Variants in RXFP1 observed in about 807,000 individuals in gnomAD.
The protein encoded by RXFP1 is relaxin family peptide receptor 1, also known as relaxin receptor 1.
A neutral mutation model predicts 89.8 loss-of-function variants in RXFP1; 73 were observed. The ratio of observed to expected loss-of-function variants is 0.81; its 90% confidence interval spans 0.67 to 0.99. The LOEUF is 0.99. RXFP1 is among the 50% of genes least tolerant of loss of function. The pLI, the probability that RXFP1 is intolerant of heterozygous loss-of-function variation, is 0.00. For missense variants in RXFP1, 793 were observed against 895.5 expected (o/e 0.89, Z 1.46); for synonymous variants, 277 against 305.5 (o/e 0.91, Z 0.97).
chr4:158,594,528 G>A (rs1314858044), intron 3 of RXFP1, among the ~76,000 whole-genome samples: 1 of 151,546 alleles, frequency 6.6e-6, no homozygotes, highest in African/African-American at 2.4e-5. Flanking sequence ...ATCTTCTAGT[G>A]CCTAAAATAA....
At chr4:158,624,276 G>A (rs1766261024) in intron 9 of RXFP1, among the ~76,000 whole-genome samples, 1 of 152,168 alleles carries the variant, frequency 6.6e-6, no homozygotes, top group African/African-American at 2.4e-5. Flanking sequence ...CAGGCAGCAA[G>A]TCAAGGGCTT....
intron 1 of RXFP1, among the ~76,000 whole-genome samples, chr4:158,522,243 G>A (rs912515508): frequency 6.6e-6 from 1 of 152,146 alleles, no homozygotes; most frequent in African/African-American, 2.4e-5. Flanking sequence ...AGACTGATGT[G>A]CCGTGTAAAC....
At chr4:158,604,989 G>A in intron 4 of RXFP1, 79 bp from the exon 5 acceptor site, 1 of 748,170 alleles carries the variant, frequency 1.3e-6, no homozygotes, top group Middle Eastern at 3.8e-4. Flanking sequence ...AAAGTAAATA[G>A]TTTGTAATTA....
chr4:158,652,027 A>G lies in RXFP1; in HGVS notation c.2246A>G (p.Gln749Arg). ...CCCTGTGAAATGTCACTGATTTCTC[A>G]ATCAACGAGACTCAATTCCTATTCA... ...TYPCEMSLIS[Q>R]STRLNSYS is the part of the protein sequence containing the mutation. Residue 749 changes from glutamine to arginine, a missense_variant, in exon 18 of 18, where the codon CAA becomes CGA. Physicochemically the swap from Gln to Arg is conservative, Grantham distance 43 (BLOSUM62 1). Transcript: ENST00000307765. 6.2e-7 allele frequency: 1 copy of G among 1,613,032 alleles called. No individual in the cohort carries two copies. The highest frequency in any genetic ancestry group is 2.2e-5 in the East Asian group (1 of 44,852).
chr4:158,611,583 C>A (rs1161550677), intron 6 of RXFP1, among the ~76,000 whole-genome samples: 1 of 152,170 alleles, frequency 6.6e-6, no homozygotes, highest in Non-Finnish European at 1.5e-5. Flanking sequence ...TTTCCTCTGC[C>A]TAGAATAGCT....
chr4:158,639,859 CAAAAAGAAAA>C (rs1313482325), intron 14 of RXFP1, among the ~76,000 whole-genome samples: 4 of 148,430 alleles, frequency 2.7e-5, no homozygotes, highest in Non-Finnish European at 4.5e-5. Flanking sequence ...GACTCCATCT[CAAAAAGAAAA>C]AAAAAGAAAA....
chr4:158,559,494 A>AC (rs899375434), intron 1 of RXFP1, among the ~76,000 whole-genome samples: 10 of 151,644 alleles, frequency 6.6e-5, no homozygotes, highest in Middle Eastern at 3.4e-3. Flanking sequence ...TAAAGGCTAG[A>AC]CCCCCCTGCC....
intron 5 of RXFP1, 79 bp from the exon 6 acceptor site, chr4:158,607,893 C>G: frequency 1.2e-6 from 1 of 866,288 alleles, no homozygotes; most frequent in Non-Finnish European, 1.9e-6. Context: ...TCACCATCAT[C>G]CATCCACAGA....
intron 1 of RXFP1, among the ~76,000 whole-genome samples, chr4:158,533,007 C>T (rs1279307883): frequency 6.6e-6 from 1 of 152,194 alleles, no homozygotes; most frequent in East Asian, 1.9e-4. Flanking sequence ...AGGGTGCTTC[C>T]TTCTCACATT....
chr4:158,558,239 C>G (rs1263232388), intron 1 of RXFP1, among the ~76,000 whole-genome samples: 1 of 152,202 alleles, frequency 6.6e-6, no homozygotes, highest in African/African-American at 2.4e-5. Flanking sequence ...TGTCCTCATT[C>G]TGTGTGCTCT....
At chr4:158,647,488 A>C (rs901438977) in intron 16 of RXFP1, among the ~76,000 whole-genome samples, 1 of 152,222 alleles carries the variant, frequency 6.6e-6, no homozygotes, top group African/African-American at 2.4e-5. Context: ...GGCAACACAC[A>C]TCTTTGGCTT....
At chr4:158,577,431 C>T (rs1756485978) in intron 2 of RXFP1, among the ~76,000 whole-genome samples, 2 of 152,156 alleles carry the variant, frequency 1.3e-5, no homozygotes, top group African/African-American at 2.4e-5. Flanking sequence ...ATGTAAACCT[C>T]ATGCATATTT....
chr4:158,543,598 G>A (rs752573735), intron 1 of RXFP1: 3 of 213,538 alleles, frequency 1.4e-5, no homozygotes, highest in Non-Finnish European at 1.6e-5. Flanking sequence ...ATAGAGAATC[G>A]GTAGCAACCA....
intron 2 of RXFP1, among the ~76,000 whole-genome samples, chr4:158,574,979 C>T (rs1244804150): frequency 6.6e-6 from 1 of 152,104 alleles, no homozygotes; most frequent in African/African-American, 2.4e-5. Flanking sequence ...CTAGTCAGTT[C>T]CCCGTCGACC....
chr4:158,527,970 G>C (rs72981775), intron 1 of RXFP1, among the ~76,000 whole-genome samples: 1 of 152,034 alleles, frequency 6.6e-6, no homozygotes, highest in East Asian at 1.9e-4. Flanking sequence ...CTTGAAAATA[G>C]AAAGAACCTA....
At chr4:158,522,342 G>T (rs762780451) in intron 1 of RXFP1, among the ~76,000 whole-genome samples, 5 of 152,110 alleles carry the variant, frequency 3.3e-5, no homozygotes, top group Non-Finnish European at 5.9e-5. Context: ...CTGTATTCAA[G>T]GAATATATTC....
intron 11 of RXFP1, among the ~76,000 whole-genome samples, chr4:158,629,796 TTTTTA>T (rs1477877037): frequency 6.6e-6 from 1 of 152,044 alleles, no homozygotes; most frequent in Non-Finnish European, 1.5e-5. Context: ...AGCCAATTTT[TTTTTA>T]TTTTTTGTAG....
intron 9 of RXFP1, among the ~76,000 whole-genome samples, chr4:158,625,492 A>G (rs1318228174): frequency 6.6e-6 from 1 of 152,142 alleles, no homozygotes; most frequent in Non-Finnish European, 1.5e-5. Context: ...CCAATGCAAC[A>G]TAGAAAACCC....
At chr4:158,639,790 G>GT (rs377241749) in intron 14 of RXFP1, among the ~76,000 whole-genome samples, 61 of 152,260 alleles carry the variant, frequency 4.0e-4, no homozygotes, top group African/African-American at 1.4e-3. Flanking sequence ...AACCCTGGAG[G>GT]TGGAGGTTGC....
Sources: gnomAD v4.1 joint callset for allele counts (sites outside exome capture counted in the v4.1 genomes callset) on GRCh38, gnomAD v4.1.1 for gene constraint, MANE v1.5 for transcripts, NCBI Gene and HGNC (gene_info 2026-07-23, HGNC 2026-07-21) for gene names.